The following MGAT4D variants were observed in gnomAD, a reference collection of about 807,000 sequenced individuals.
MGAT4D encodes alpha-1,3-mannosyl-glycoprotein 4-beta-N-acetylglucosaminyltransferase-like protein MGAT4D.
MGAT4D carries 34 observed loss-of-function variants against 15.9 expected under a neutral mutation model. That is an observed-to-expected ratio of 2.14 (90% CI 1.62 to 2.84). The LOEUF is 2.84. MGAT4D is among the 30% of genes most tolerant of loss of function. The probability of loss-of-function intolerance (pLI) is 0.00; values close to 1 mark genes in which losing one functional copy is unlikely to be tolerated. For missense variants in MGAT4D, 327 were observed against 140.2 expected (o/e 2.33, Z -6.73); for synonymous variants, 112 against 48.2 (o/e 2.33, Z -5.49).
At chr4:140,484,659 A>C (rs951248163) in intron 1 of MGAT4D, among the ~76,000 whole-genome samples, 13 of 152,226 alleles carry the variant, frequency 8.5e-5, no homozygotes, top group Non-Finnish European at 1.8e-4. Flanking sequence ...TCATCTGACA[A>C]AGGGCTAATA....
At chr4:140,456,755 A>C (rs1166028583) in intron 8 of MGAT4D, 36 bp from the exon 9 acceptor site, 1 of 618,552 alleles carries the variant, frequency 1.6e-6, no homozygotes. Flanking sequence ...CAAATAATTC[A>C]TATGTAGTTG....
chr4:140,464,453 A>G (rs564023804), intron 6 of MGAT4D, among the ~76,000 whole-genome samples: 2 of 152,220 alleles, frequency 1.3e-5, no homozygotes, highest in Non-Finnish European at 2.9e-5. Context: ...AAGCTAAGAA[A>G]AAAAGGTGAA....
chr4:140,474,734 A>C, intron 4 of MGAT4D, 79 bp downstream of exon 4: 1 of 474,592 alleles, frequency 2.1e-6, no homozygotes, highest in Non-Finnish European at 3.7e-6. Flanking sequence ...AACATGGTAC[A>C]ATGATTATTA....
intron 5 of MGAT4D, among the ~76,000 whole-genome samples, chr4:140,468,121 C>A (rs898154645): frequency 7.0e-6 from 1 of 143,560 alleles, no homozygotes; most frequent in Non-Finnish European, 1.5e-5. Flanking sequence ...AGTGAATATT[C>A]ACTATTATAT....
intron 3 of MGAT4D, among the ~76,000 whole-genome samples, chr4:140,478,784 A>G (rs186829089): frequency 6.6e-6 from 1 of 152,014 alleles, no homozygotes; most frequent in African/African-American, 2.4e-5. Context: ...TTTTTAAATA[A>G]AGGGGCAGAT....
intron 1 of MGAT4D, among the ~76,000 whole-genome samples, chr4:140,492,498 C>T (rs1048259932): frequency 1.5e-4 from 23 of 151,982 alleles, no homozygotes; most frequent in African/African-American, 3.9e-4. Context: ...AGTGGTGGCA[C>T]GCGCCTGTAG....
chr4:140,466,010 T>C (rs1356642190), intron 5 of MGAT4D, among the ~76,000 whole-genome samples: 1 of 152,182 alleles, frequency 6.6e-6, no homozygotes, highest in Non-Finnish European at 1.5e-5. Flanking sequence ...TTCAAAGTCT[T>C]TTGGTGACTG....
chr4:140,487,784 A>G (rs1184893612), intron 1 of MGAT4D, among the ~76,000 whole-genome samples: 1 of 152,196 alleles, frequency 6.6e-6, no homozygotes, highest in Non-Finnish European at 1.5e-5. Context: ...ACTAGTTAAC[A>G]TAAAATAAAA....
At chr4:140,469,371 AT>A (rs1731761361) in intron 5 of MGAT4D, among the ~76,000 whole-genome samples, 1 of 152,228 alleles carries the variant, frequency 6.6e-6, no homozygotes, top group African/African-American at 2.4e-5. Context: ...CATTTATTTA[AT>A]AAGCACAATG....
intron 4 of MGAT4D, among the ~76,000 whole-genome samples, chr4:140,472,442 C>G (rs902256730): frequency 8.5e-5 from 13 of 152,244 alleles, no homozygotes; most frequent in African/African-American, 2.9e-4. Context: ...CCTCAGGGCC[C>G]ATAAGCATTT....
chr4:140,469,426 C>G (rs888620630), intron 5 of MGAT4D, among the ~76,000 whole-genome samples: 9 of 152,192 alleles, frequency 5.9e-5, no homozygotes, highest in African/African-American at 2.2e-4. Context: ...TACTTAACAT[C>G]ACATAATACT....
intron 10 of MGAT4D, among the ~76,000 whole-genome samples, chr4:140,446,864 C>G (rs1440318887): frequency 1.4e-5 from 2 of 143,076 alleles, no homozygotes; most frequent in East Asian, 4.4e-4. Context: ...TCCCTCTTAA[C>G]ACTGCCTTAG....
intron 5 of MGAT4D, among the ~76,000 whole-genome samples, chr4:140,470,554 A>G (rs777262365): frequency 3.9e-5 from 6 of 152,214 alleles, no homozygotes; most frequent in Non-Finnish European, 7.3e-5. Flanking sequence ...GCGTGATGTC[A>G]ACAGCACCTG....
chr4:140,457,840 C>G (rs1218468562), intron 8 of MGAT4D: 1 of 152,102 alleles, frequency 6.6e-6, no homozygotes, highest in Non-Finnish European at 1.5e-5. Flanking sequence ...TTGGGTATTA[C>G]TGTTAACAAT....
chr4:140,451,190 T>C (rs1730451761), intron 10 of MGAT4D, among the ~76,000 whole-genome samples: 1 of 152,280 alleles, frequency 6.6e-6, no homozygotes, highest in African/African-American at 2.4e-5. Flanking sequence ...AAATAGTTTA[T>C]GTAGGCTGAA....
At chr4:140,476,665 G>C (rs367846107) in intron 3 of MGAT4D, among the ~76,000 whole-genome samples, 4 of 151,986 alleles carry the variant, frequency 2.6e-5, no homozygotes, top group Non-Finnish European at 5.9e-5. Flanking sequence ...CACACTTTTC[G>C]AATTGACCAA....
chr4:140,446,801 G>A (rs1359206086), intron 10 of MGAT4D, among the ~76,000 whole-genome samples: 1 of 47,740 alleles, frequency 2.1e-5, no homozygotes, highest in Non-Finnish European at 3.9e-5. Flanking sequence ...ATGTTAGATT[G>A]TTAACTTGAG....
chr4:140,478,558 C>T (rs1388668963), intron 3 of MGAT4D, among the ~76,000 whole-genome samples: 1 of 152,092 alleles, frequency 6.6e-6, no homozygotes, highest in Non-Finnish European at 1.5e-5. Context: ...TTCTCTAAGC[C>T]TCAGTTTTTT....
intron 6 of MGAT4D, among the ~76,000 whole-genome samples, chr4:140,463,947 A>G (rs1301301113): frequency 3.3e-5 from 5 of 152,208 alleles, no homozygotes; most frequent in Non-Finnish European, 7.3e-5. Context: ...GGACTCTGTA[A>G]TGGTGAAGGC....
Sources: gnomAD v4.1 joint callset for allele counts (sites outside exome capture counted in the v4.1 genomes callset) on GRCh38, gnomAD v4.1.1 for gene constraint, MANE v1.5 for transcripts, NCBI Gene and HGNC (gene_info 2026-07-23, HGNC 2026-07-21) for gene names.